The following PSD variants were observed in gnomAD, a reference collection of about 807,000 sequenced individuals.
The protein encoded by PSD is PH and SEC7 domain-containing protein 1.
PSD carries 32 observed loss-of-function variants against 91.6 expected under a neutral mutation model. The ratio of observed to expected loss-of-function variants is 0.35; its 90% CI spans 0.26 to 0.47. PSD has a LOEUF of 0.47. PSD is among the 20% of genes least tolerant of loss of function. The pLI, the probability that PSD is intolerant of heterozygous loss-of-function variation, is 1.00. For missense variants in PSD, 1,099 were observed against 1,373.9 expected, an observed-to-expected ratio of 0.80 and a Z score of 3.16; for synonymous variants, 532 against 569.3, an observed-to-expected ratio of 0.93 and a Z score of 0.93.
chr10:102,405,658 G>A lies in PSD; in HGVS notation c.2136-122C>T. The A allele has an allele frequency of 1.1e-6, 1 of 895,536 alleles. No individual in the cohort carries two copies. The highest frequency in any genetic ancestry group is 1.7e-6 in the Non-Finnish European group (1 of 600,124). The allele number at this position is 895,536 out of a possible 1,614,324, so 55.5% of individuals were successfully genotyped here. On this transcript the variant is annotated intron_variant, in intron 11 of 16. Transcript: ENST00000020673. The surrounding 1 kb of genome is among the most constrained non-coding windows in gnomAD (Gnocchi z 5.4). ...TTGTGGCTTGGGGGGCTCAACCTGA[G>A]GGTCCTGCCATGTCTCCCGTCTCAG...
intron 5 of PSD, 99 bp from the exon 6 acceptor site, chr10:102,412,674 G>A: frequency 9.8e-7 from 1 of 1,023,176 alleles, no homozygotes; most frequent in Non-Finnish European, 1.4e-6. Context: ...GAAGGGGAGG[G>A]AGTGGAGGGA....
chr10:102,411,780 C>T lies in PSD; in HGVS notation c.1869G>A (p.Gln623=). The T allele has an allele frequency of 6.2e-7, 1 of 1,613,684 alleles. No individual in the cohort carries two copies. The highest frequency in any genetic ancestry group is 8.5e-7 in the Non-Finnish European group (1 of 1,179,832). ...AGTGGGCCAGCACGCGCTCTCGTTCCTGGGTCTCACCCATTAAGGCCAGCT... is the reference window on the plus strand; with the variant it reads ...AGTGGGCCAGCACGCGCTCTCGTTCTTGGGTCTCACCCATTAAGGCCAGCT... ...LKELALMGET[Q]ERERVLAHFS... Residue 623 remains glutamine (Q), a synonymous_variant, in exon 8 of 17, where the codon CAG becomes CAA. Transcript: ENST00000020673.
In PSD at chr10:102,403,366, A is replaced by G; in HGVS notation, c.2909T>C (p.Leu970Pro). The G allele has an allele frequency of 6.2e-7, 1 of 1,613,912 alleles. No individual in the cohort carries two copies. The highest frequency in any genetic ancestry group is 8.5e-7 in the Non-Finnish European group (1 of 1,179,982). The change falls in exon 17 of 17, where the codon CTG (leucine) becomes CCG (proline). Residue 970 changes from leucine (L) to proline (P), a missense_variant. Leu to Pro is a moderately conservative substitution (Grantham distance 98, BLOSUM62 -3). Around this residue, in one of 3 missense-constraint regions of PSD, gnomAD observed 358 missense variants for 426.5 expected, o/e 0.84. Transcript: ENST00000020673. The surrounding 1 kb of genome is among the most constrained non-coding windows in gnomAD (Gnocchi z 6.7). ...RVKLKAGSEE[L>P]DAVEAALAQA... ...GGCCAGTGCTGCCTCCACTGCATCCAGCTCCTCACTGCCTGCCTTCAGCTT... is the reference window on the plus strand; with the variant it reads ...GGCCAGTGCTGCCTCCACTGCATCCGGCTCCTCACTGCCTGCCTTCAGCTT...
chr10:102,415,879 G>A (rs4598606), intron 3 of PSD, 138 bp downstream of exon 3: 4 of 629,854 alleles, frequency 6.4e-6, no homozygotes, highest in Non-Finnish European at 1.1e-5. Flanking sequence ...TGGAAAGATT[G>A]AGGCCTGGGG....
At chr10:102,418,090 C>T (rs553498366) in intron 1 of PSD, among the ~76,000 whole-genome samples, 45 of 148,784 alleles carry the variant, frequency 3.0e-4, no homozygotes, top group Non-Finnish European at 6.4e-4. Flanking sequence ...CACACACACA[C>T]GCACACACAT....
chr10:102,415,871 G>C, intron 3 of PSD, 146 bp downstream of exon 3: 1 of 621,032 alleles, frequency 1.6e-6, no homozygotes, highest in Non-Finnish European at 2.8e-6. Context: ...AGCGCAGATG[G>C]AAAGATTGAG....
chr10:102,411,546 C>T (rs2061424754), intron 8 of PSD, among the ~76,000 whole-genome samples, 161 bp downstream of exon 8: 2 of 152,230 alleles, frequency 1.3e-5, no homozygotes, highest in South Asian at 2.1e-4. Context: ...TACATGCAGC[C>T]ATGACAGCGC....
chr10:102,404,069 C>CTGGG lies in PSD; in HGVS notation c.2701-85_2701-84insCCCA, dbSNP rs2061325917. On this transcript the variant is annotated intron_variant, in intron 15 of 16. Transcript: ENST00000020673. The surrounding 1 kb of genome is among the most constrained non-coding windows in gnomAD (Gnocchi z 5.7). ...ATTTTTAAAAAGATACCCCTTCCAG[C>CTGGG]CGGGCGCGGTGGCTCACGCCTGTAA... 2 of 1,302,290 alleles carry CTGGG rather than the reference C, an allele frequency of 1.5e-6. No individual in the cohort carries two copies. The highest frequency in any genetic ancestry group is 1.0e-6 in the Non-Finnish European group (1 of 980,902). The allele number at this position is 1,302,290 out of a possible 1,614,324, so 80.7% of individuals were successfully genotyped here. A position where few individuals can be genotyped will look rare whatever the true frequency, so the allele number is the denominator to read the frequency against.
intron 10 of PSD, among the ~76,000 whole-genome samples, chr10:102,408,165 C>T (rs2061383741): frequency 6.6e-6 from 1 of 152,216 alleles, no homozygotes; most frequent in Non-Finnish European, 1.5e-5. Flanking sequence ...GGTGTGTCCC[C>T]AGCATGTGCA....
At chr10:102,407,140 G>T in intron 11 of PSD, 83 bp downstream of exon 11, 1 of 1,331,754 alleles carries the variant, frequency 7.5e-7, no homozygotes, top group Non-Finnish European at 1.0e-6. Flanking sequence ...CCCACCCAGG[G>T]CCTACCCCAG....
Position 102,416,068 on chromosome 10 carries a change from C to T in PSD, c.706G>A (p.Ala236Thr), listed in dbSNP as rs746934238. The change falls in exon 3 of 17, where the codon GCT becomes ACT. Residue 236 changes from alanine to threonine, a missense_variant. Coordinates refer to ENST00000020673, the MANE Select transcript of PSD (RefSeq NM_002779.5). This position sits in a 1 kb window ranked among gnomAD's most constrained non-coding sequence, Gnocchi z 6.0. ...REVSSHAQRIARAKWEFFYGS... is the reference protein window; with the variant it reads ...REVSSHAQRITRAKWEFFYGS... ...TAGAAGAATTCCCATTTGGCTCTAG[C>T]GATTCTCTGGGCATGAGAGGAGACT... 6.8e-6 allele frequency: 11 copies of T among 1,613,722 alleles called. No individual in the cohort carries two copies. Among genetic ancestry groups the T allele is most frequent in the South Asian group, 3.3e-5 (3 of 91,014 alleles).
In PSD at chr10:102,411,722, C is replaced by T; in HGVS notation, c.1927G>A (p.Ala643Thr). ...AACTCCTCACCCTCTGAGGACAGGGCTTCAGGATTGCACTGGAAGTATCGC... is the reference window on the plus strand; with the variant it reads ...AACTCCTCACCCTCTGAGGACAGGGTTTCAGGATTGCACTGGAAGTATCGC... ...SQRYFQCNPEALSSEDGAHTL... is the reference protein window; with the variant it reads ...SQRYFQCNPETLSSEDGAHTL... The change falls in exon 8 of 17, where the codon GCC (alanine) becomes ACC (threonine). Residue 643 changes from alanine to threonine, a missense_variant. Ala to Thr is a moderately conservative substitution (Grantham distance 58). This residue lies in a region of PSD where 110 missense variants were observed against 218.7 expected (regional missense o/e 0.50). Transcript: ENST00000020673. The T allele has an allele frequency of 6.2e-7, 1 of 1,613,240 alleles. No individual in the cohort carries two copies. Among genetic ancestry groups the T allele is most frequent in the Non-Finnish European group, 8.5e-7 (1 of 1,179,646 alleles).
At chr10:102,412,683 G>A in intron 5 of PSD, 108 bp from the exon 6 acceptor site, 1 of 939,192 alleles carries the variant, frequency 1.1e-6, no homozygotes, top group African/African-American at 1.7e-5. Flanking sequence ...GGAGTGGAGG[G>A]ACATGGGGAA....
At position 102,415,051 on chromosome 10, in the gene PSD, G is replaced by A. The variant is rs750721255; in HGVS notation, c.936C>T (p.Asp312=). 4.3e-6 allele frequency: 7 copies of A among 1,613,882 alleles called. No homozygotes were observed. The highest frequency in any genetic ancestry group is 5.9e-6 in the Non-Finnish European group (7 of 1,179,960). ...AGCTGGGCTGACTTTCGATGGCCGA[G>A]TCGGCCTCCTCCCGCTCAGCCAGCA... The part of the protein sequence containing the change: ...DEVLAEREEA[D]SAIESQPSSE... Residue 312 remains aspartate (D), a synonymous_variant, in exon 4 of 17, where the codon GAC becomes GAT. Transcript: ENST00000020673.
chr10:102,415,340 C>T (rs777050351), intron 3 of PSD, 111 bp from the exon 4 acceptor site: 122 of 1,313,084 alleles, frequency 9.3e-5, no homozygotes, highest in Non-Finnish European at 1.2e-4. Context: ...AGTTCTTTCA[C>T]TGTCTAGCCA....
Position 102,405,064 on chromosome 10 carries a change from G to C in PSD, c.2398-9C>G, listed in dbSNP as rs778627581. ...CCAGGCTTGTACTCCTCCTGCAGGG[G>C]TGTCCATCTTGTCCTGGCCCCAAAT... On this transcript the variant is annotated splice_polypyrimidine_tract_variant and intron_variant, in intron 13 of 16. Transcript: ENST00000020673. The surrounding 1 kb of genome is among the most constrained non-coding windows in gnomAD (Gnocchi z 5.4). 6.2e-7 allele frequency: 1 copy of C among 1,613,630 alleles called. No individual in the cohort carries two copies. The highest frequency in any genetic ancestry group is 1.3e-5 in the African/African-American group (1 of 75,010).
chr10:102,403,301 A>G lies in PSD; in HGVS notation c.2974T>C (p.Ser992Pro). ...GGTTTGGGCTGCAGGGAGGGACTGG[A>G]GTGAGAAGGAGGGAGTCCATCCTCT... ...STEDGLPPSH[S>P]SPSLQPKPSS... Residue 992 changes from serine (S) to proline (P), a missense_variant, in exon 17 of 17, where the codon TCC (serine) becomes CCC (proline). Around this residue, in one of 3 missense-constraint regions of PSD, gnomAD observed 358 missense variants for 426.5 expected, o/e 0.84. Transcript: ENST00000020673. This position sits in a 1 kb window ranked among gnomAD's most constrained non-coding sequence, Gnocchi z 6.7. 6.2e-7 allele frequency: 1 copy of G among 1,613,950 alleles called. No individual in the cohort carries two copies. The highest frequency in any genetic ancestry group is 8.5e-7 in the Non-Finnish European group (1 of 1,179,928).
chr10:102,410,067 C>T lies in PSD; in HGVS notation c.2091+791G>A, dbSNP rs1159496927. ...TACCCCAAACTCAGAAGCCCAGCACCCCAAGCTCACAGAAACGCCCTAGGA... is the reference window on the plus strand; with the variant it reads ...TACCCCAAACTCAGAAGCCCAGCACTCCAAGCTCACAGAAACGCCCTAGGA... On this transcript the variant is annotated intron_variant, in intron 10 of 16. Transcript: ENST00000020673. The surrounding 1 kb of genome is among the most constrained non-coding windows in gnomAD (Gnocchi z 6.0). Among the ~76,000 whole-genome samples the T allele has an allele frequency of 6.6e-6, 1 of 152,198 alleles. No homozygotes were observed. The highest frequency in any genetic ancestry group is 1.5e-5 in the Non-Finnish European group (1 of 68,030).
At position 102,410,851 on chromosome 10, in the gene PSD, C is replaced by T. The variant is rs1432501405; in HGVS notation, c.2091+7G>A. 3 of 1,610,542 alleles carry T rather than the reference C, an allele frequency of 1.9e-6. No homozygotes were observed. Among genetic ancestry groups the T allele is most frequent in the Admixed American group, 3.3e-5 (2 of 59,994 alleles). ...TCCAGCGACTTCTACCCTGCCCCGC[C>T]CCCCACCTTGAGCAGCTCCCTAGGG... is the stretch of plus-strand genomic sequence containing the variant. On this transcript the variant is annotated splice_region_variant and intron_variant, in intron 10 of 16. Transcript: ENST00000020673. This position sits in a 1 kb window ranked among gnomAD's most constrained non-coding sequence, Gnocchi z 6.0.
Sources: allele counts gnomAD v4.1 joint callset (sites outside exome capture counted in the v4.1 genomes callset), GRCh38; gene constraint gnomAD v4.1.1; regional missense constraint gnomAD v4.1.1; non-coding constraint Gnocchi (gnomAD v3.1); transcripts MANE v1.5; gene names NCBI Gene and HGNC (gene_info 2026-07-23, HGNC 2026-07-21).